Variants in CR1L observed in about 807,000 individuals in gnomAD.
The protein encoded by CR1L is complement C3b/C4b receptor 1 like, also known as complement component receptor 1-like protein.
CR1L carries 59 observed loss-of-function variants against 62.3 expected under a neutral mutation model. The ratio of observed to expected loss-of-function variants is 0.95; its 90% CI spans 0.77 to 1.18. The LOEUF is 1.18. CR1L is among the 50% of genes most tolerant of loss of function. CR1L has a pLI of 0.00. For missense variants in CR1L, 700 were observed against 702.8 expected (o/e 1.00, Z 0.04); for synonymous variants, 279 against 248.7 (o/e 1.12, Z -1.15).
At chr1:207,715,367 C>G (rs760608246) in intron 10 of CR1L, 1 of 1,596,936 alleles carries the variant, frequency 6.3e-7, no homozygotes, top group Non-Finnish European at 8.6e-7. Flanking sequence ...AATGAAAGCC[C>G]TTTGGAATAG....
chr1:207,692,481 T>A (rs1207217796), intron 4 of CR1L, among the ~76,000 whole-genome samples: 2 of 152,190 alleles, frequency 1.3e-5, no homozygotes, highest in Non-Finnish European at 2.9e-5. Context: ...CACCTCTCCA[T>A]GGGACAGCTA....
At chr1:207,663,942 C>T (rs1212580117) in intron 1 of CR1L, among the ~76,000 whole-genome samples, 1 of 152,230 alleles carries the variant, frequency 6.6e-6, no homozygotes, top group African/African-American at 2.4e-5. Context: ...ATTTCTGTCT[C>T]TTCCCTGCCT....
intron 4 of CR1L, among the ~76,000 whole-genome samples, chr1:207,694,015 C>T (rs559612882): frequency 2.3e-4 from 35 of 152,104 alleles, no homozygotes; most frequent in African/African-American, 8.0e-4. Context: ...TCTAAAAAGG[C>T]TAACCTCAGT....
chr1:207,685,449 A>G (rs1167176505), intron 4 of CR1L, among the ~76,000 whole-genome samples: 2 of 152,246 alleles, frequency 1.3e-5, no homozygotes, highest in Non-Finnish European at 2.9e-5. Flanking sequence ...CAAATCAAAT[A>G]ACACCTTAGT....
At chr1:207,696,033 G>T (rs1424096555) in intron 5 of CR1L, among the ~76,000 whole-genome samples, 1 of 152,160 alleles carries the variant, frequency 6.6e-6, no homozygotes, top group South Asian at 2.1e-4. Flanking sequence ...GATGTTAGAA[G>T]GGCAGGAAAA....
intron 1 of CR1L, 50 bp downstream of exon 1, chr1:207,645,380 C>T (rs756894667): frequency 6.3e-7 from 1 of 1,591,252 alleles, no homozygotes; most frequent in Admixed American, 1.7e-5. Flanking sequence ...TAGAGCTCTG[C>T]TCAGTCAGTC....
chr1:207,723,597 T>G, intron 11 of CR1L, 21 bp from the exon 12 acceptor site: 1 of 1,575,704 alleles, frequency 6.3e-7, no homozygotes, highest in Non-Finnish European at 8.7e-7. Flanking sequence ...GATGTTTTTG[T>G]GACTTTTGTC....
At chr1:207,709,027 T>C (rs1664312625) in intron 10 of CR1L, 1 of 316,172 alleles carries the variant, frequency 3.2e-6, no homozygotes. Flanking sequence ...AAGTATCATG[T>C]TTATTATATG....
At chr1:207,717,379 T>A in intron 10 of CR1L, 85 bp from the exon 11 acceptor site, 1 of 1,437,068 alleles carries the variant, frequency 7.0e-7, no homozygotes, top group Non-Finnish European at 9.5e-7. Flanking sequence ...AAAATTATAT[T>A]CATAGCACTG....
chr1:207,673,114 A>G (rs1055127488), intron 1 of CR1L, among the ~76,000 whole-genome samples: 27 of 152,236 alleles, frequency 1.8e-4, no homozygotes, highest in African/African-American at 6.0e-4. Flanking sequence ...ACTTGATGAA[A>G]CCAAAAAATC....
At chr1:207,681,201 C>G (rs1663789682) in intron 3 of CR1L, among the ~76,000 whole-genome samples, 1 of 152,182 alleles carries the variant, frequency 6.6e-6, no homozygotes, top group Non-Finnish European at 1.5e-5. Context: ...GCTTCACTGT[C>G]CCTCTTCGGG....
At chr1:207,706,290 G>A (rs913601843) in intron 9 of CR1L, among the ~76,000 whole-genome samples, 12 of 151,620 alleles carry the variant, frequency 7.9e-5, no homozygotes, top group South Asian at 2.1e-4. Context: ...GCGTGGTGGC[G>A]TGTGCCTGTA....
At chr1:207,669,694 G>A in intron 1 of CR1L, 5 of 579,554 alleles carry the variant, frequency 8.6e-6, no homozygotes, top group Non-Finnish European at 1.5e-5. Context: ...CGATGGGTGG[G>A]CTGAGCGCGC....
At chr1:207,662,786 C>T (rs187699796) in intron 1 of CR1L, among the ~76,000 whole-genome samples, 1 of 152,088 alleles carries the variant, frequency 6.6e-6, no homozygotes, top group Non-Finnish European at 1.5e-5. Context: ...TTTTATCTAC[C>T]TTTGGTCTTT....
chr1:207,654,773 A>AT (rs1015736258), intron 1 of CR1L, among the ~76,000 whole-genome samples: 3 of 152,306 alleles, frequency 2.0e-5, no homozygotes, highest in African/African-American at 7.2e-5. Context: ...ACTTTAAGTG[A>AT]TTTACCCAAG....
chr1:207,703,616 G>A (rs1664225996), intron 9 of CR1L, among the ~76,000 whole-genome samples: 1 of 152,218 alleles, frequency 6.6e-6, no homozygotes, highest in African/African-American at 2.4e-5. Context: ...GACAACAGCA[G>A]CCATTCTGCA....
chr1:207,702,790 A>C (rs1340913492), intron 9 of CR1L, among the ~76,000 whole-genome samples: 1 of 152,182 alleles, frequency 6.6e-6, no homozygotes, highest in Non-Finnish European at 1.5e-5. Flanking sequence ...TGCAGAAAAA[A>C]AGCTGGAAGC....
At chr1:207,649,677 A>G (rs926838073) in intron 1 of CR1L, among the ~76,000 whole-genome samples, 1 of 152,182 alleles carries the variant, frequency 6.6e-6, no homozygotes, top group Non-Finnish European at 1.5e-5. Flanking sequence ...GGGTCTGCCA[A>G]CCTAACTGGA....
chr1:207,685,431 T>C (rs914964417), intron 4 of CR1L, among the ~76,000 whole-genome samples: 12 of 152,252 alleles, frequency 7.9e-5, no homozygotes, highest in African/African-American at 2.9e-4. Flanking sequence ...AAATCTCTTA[T>C]GCTTATACAA....
Sources: gnomAD v4.1 joint callset for allele counts (sites outside exome capture counted in the v4.1 genomes callset) on GRCh38, gnomAD v4.1.1 for gene constraint, MANE v1.5 for transcripts, NCBI Gene and HGNC (gene_info 2026-07-23, HGNC 2026-07-21) for gene names.